The following NRG3 variants were observed in gnomAD, a reference collection of about 807,000 sequenced individuals.
NRG3 encodes the protein neuregulin 3.
A neutral mutation model predicts 66.9 loss-of-function variants in NRG3; 31 were observed. That is an observed-to-expected ratio of 0.46 (90% CI 0.35 to 0.63). NRG3 has a LOEUF of 0.63. Among genes scored for constraint, NRG3 ranks in the 20% least tolerant of loss-of-function variants. The pLI, the probability that NRG3 is intolerant of heterozygous loss-of-function variation, is 0.00. For missense variants in NRG3, 910 were observed against 878.9 expected, an observed-to-expected ratio of 1.04 and a Z score of -0.45; for synonymous variants, 393 against 359.4, an observed-to-expected ratio of 1.09 and a Z score of -1.06.
intron 4 of NRG3, among the ~76,000 whole-genome samples, chr10:82,903,220 A>C (rs1844403127): frequency 2.0e-5 from 3 of 152,182 alleles, no homozygotes; most frequent in Admixed American, 2.0e-4. Context: ...ATAAGTTTGT[A>C]GTTGCTTCTT....
At chr10:82,228,672 C>A (rs931500329) in intron 1 of NRG3, among the ~76,000 whole-genome samples, 1 of 152,072 alleles carries the variant, frequency 6.6e-6, no homozygotes, top group Non-Finnish European at 1.5e-5. Context: ...TGATACAGCC[C>A]CCTTTCCTCA....
chr10:82,738,426 C>T (rs760701961), intron 2 of NRG3, 151 bp from the exon 3 acceptor site: 2 of 640,636 alleles, frequency 3.1e-6, no homozygotes, highest in African/African-American at 1.8e-5. Flanking sequence ...GAGAATCTGC[C>T]TGTTGAGGTC....
intron 2 of NRG3, among the ~76,000 whole-genome samples, chr10:82,621,930 TG>T (rs1420240798): frequency 6.6e-6 from 1 of 152,170 alleles, no homozygotes; most frequent in Non-Finnish European, 1.5e-5. Flanking sequence ...TAACCGTAAT[TG>T]GCAAGGCTTC....
Position 82,336,830 on chromosome 10 carries a change from T to C in NRG3, c.824-21909T>C, listed in dbSNP as rs1045001267. 7.9e-5 allele frequency among the ~76,000 whole-genome samples: 12 copies of C among 152,162 alleles called. No individual in the cohort carries two copies. In the South Asian group the frequency reaches 2.3e-3, roughly 29 times the overall value. ...ATTTCTGCAAATGGAGAGATAAGAA[T>C]TGGAAGTGAACAGATGGTTATAGCT... On this transcript the variant is annotated intron_variant, in intron 1 of 8. Coordinates refer to ENST00000372141, the MANE Select transcript of NRG3 (RefSeq NM_001010848.4).
intron 1 of NRG3, among the ~76,000 whole-genome samples, chr10:82,087,244 A>G (rs2065781404): frequency 6.6e-6 from 1 of 151,918 alleles, no homozygotes; most frequent in Non-Finnish European, 1.5e-5. Flanking sequence ...CCTAAGTCAG[A>G]GTTTTAAAAA....
chr10:82,872,941 G>A (rs1841477506), intron 4 of NRG3, among the ~76,000 whole-genome samples: 1 of 152,074 alleles, frequency 6.6e-6, no homozygotes, highest in African/African-American at 2.4e-5. Context: ...GCTTCCGAGA[G>A]TCACCACTTT....
chr10:82,297,206 A>G (rs755770402), intron 1 of NRG3, among the ~76,000 whole-genome samples: 1 of 152,088 alleles, frequency 6.6e-6, no homozygotes, highest in Non-Finnish European at 1.5e-5. Context: ...GGTTGATTCT[A>G]TGACTTTGCT....
chr10:82,010,260 G>A (rs1208902828), intron 1 of NRG3, among the ~76,000 whole-genome samples: 1 of 152,176 alleles, frequency 6.6e-6, no homozygotes, highest in Non-Finnish European at 1.5e-5. Context: ...ATAAACAAGT[G>A]TGTCCAATTC....
chr10:82,322,461 G>GT (rs1396940853), intron 1 of NRG3, among the ~76,000 whole-genome samples: 4 of 151,912 alleles, frequency 2.6e-5, no homozygotes, highest in Non-Finnish European at 5.9e-5. Flanking sequence ...GAATACAAGA[G>GT]TTATATTGTT....
At chr10:82,983,322 A>T (rs1853118626) in intron 8 of NRG3, among the ~76,000 whole-genome samples, 1 of 152,198 alleles carries the variant, frequency 6.6e-6, no homozygotes, top group East Asian at 1.9e-4. Flanking sequence ...TGATTTATTG[A>T]TTAGAACTTT....
intron 2 of NRG3, among the ~76,000 whole-genome samples, chr10:82,701,147 A>G (rs973306488): frequency 1.3e-5 from 2 of 152,112 alleles, no homozygotes; most frequent in Non-Finnish European, 2.9e-5. Flanking sequence ...ATTATAATAA[A>G]CATTTATTAA....
intron 4 of NRG3, among the ~76,000 whole-genome samples, chr10:82,945,427 A>G (rs543680985): frequency 4.2e-4 from 64 of 152,346 alleles, no homozygotes; most frequent in Non-Finnish European, 8.4e-4. Flanking sequence ...GTTTTAGCCT[A>G]TAACTGAATA....
chr10:82,620,510 C>A (rs1289205287), intron 2 of NRG3, among the ~76,000 whole-genome samples: 2 of 152,118 alleles, frequency 1.3e-5, no homozygotes, highest in Non-Finnish European at 2.9e-5. Flanking sequence ...TGAAGCCCAG[C>A]CATCCCTCTG....
chr10:82,645,588 T>G (rs2133844137), intron 2 of NRG3, among the ~76,000 whole-genome samples: 1 of 152,268 alleles, frequency 6.6e-6, no homozygotes, highest in Admixed American at 6.5e-5. Flanking sequence ...ATTTCTATGG[T>G]TTGTGCTGTT....
intron 1 of NRG3, among the ~76,000 whole-genome samples, chr10:82,078,103 A>C (rs1305102151): frequency 6.6e-6 from 1 of 152,172 alleles, no homozygotes; most frequent in Admixed American, 6.5e-5. Context: ...AAATACAAAA[A>C]AAAAGTTGAA....
intron 2 of NRG3, among the ~76,000 whole-genome samples, chr10:82,688,289 C>T (rs913040614): frequency 6.6e-5 from 10 of 152,156 alleles, no homozygotes; most frequent in African/African-American, 2.4e-4. Context: ...GACTTGAGCT[C>T]AGCGTTTTTA....
chr10:82,331,772 G>T (rs936613067), intron 1 of NRG3, among the ~76,000 whole-genome samples: 2 of 152,204 alleles, frequency 1.3e-5, no homozygotes, highest in African/African-American at 4.8e-5. Flanking sequence ...ACATCAAGGG[G>T]AAGATGTGAC....
At chr10:82,162,698 A>C (rs948799746) in intron 1 of NRG3, among the ~76,000 whole-genome samples, 9 of 152,148 alleles carry the variant, frequency 5.9e-5, no homozygotes, top group African/African-American at 1.7e-4. Flanking sequence ...AGTCAACCCA[A>C]GACAGCAACG....
chr10:82,131,223 G>A (rs544485147), intron 1 of NRG3, among the ~76,000 whole-genome samples: 205 of 152,202 alleles, frequency 1.3e-3, no homozygotes, highest in African/African-American at 4.8e-3. Flanking sequence ...TTCTGTATAT[G>A]GCAAGAGATA....
Sources: gnomAD v4.1 joint callset for allele counts (sites outside exome capture counted in the v4.1 genomes callset) on GRCh38, gnomAD v4.1.1 for gene constraint, MANE v1.5 for transcripts, NCBI Gene and HGNC (gene_info 2026-07-23, HGNC 2026-07-21) for gene names.